MAN1A2: variants seen among roughly 807,000 people sequenced by gnomAD.
MAN1A2 encodes the protein mannosidase alpha class 1A member 2, also known as mannosyl-oligosaccharide 1,2-alpha-mannosidase IB.
Under a neutral mutation model 75.7 loss-of-function variants are expected in MAN1A2, and 26 were observed. The observed-to-expected ratio is 0.34, with a 90% CI of 0.25 to 0.48. The LOEUF (loss-of-function observed/expected upper bound fraction) is 0.48, where lower values mean the gene tolerates loss of function less well. MAN1A2 is among the 20% of genes least tolerant of loss of function. The pLI is 0.99. For synonymous variants in MAN1A2, 247 were observed against 264.6 expected (o/e 0.93, Z 0.65); for missense variants, 562 against 775.5 (o/e 0.72, Z 3.27).
intron 9 of MAN1A2, among the ~76,000 whole-genome samples, chr1:117,496,125 C>CTT (rs1218829454): frequency 4.0e-5 from 1 of 25,266 alleles, no homozygotes; most frequent in African/African-American, 4.0e-4. Context: ...AGTAAAAATA[C>CTT]TCTTTTTTCA....
intron 4 of MAN1A2, among the ~76,000 whole-genome samples, chr1:117,419,503 A>G (rs940966203): frequency 2.0e-5 from 3 of 152,138 alleles, no homozygotes; most frequent in Non-Finnish European, 4.4e-5. Context: ...AAAAAATTAC[A>G]TTATATTGTA....
At chr1:117,472,139 TA>T (rs1650180003) in intron 8 of MAN1A2, among the ~76,000 whole-genome samples, 1 of 151,938 alleles carries the variant, frequency 6.6e-6, no homozygotes, top group South Asian at 2.1e-4. Context: ...ATTTCTGAAA[TA>T]TTCGTTTCCC....
At chr1:117,382,084 C>G (rs1653363509) in intron 1 of MAN1A2, among the ~76,000 whole-genome samples, 2 of 151,750 alleles carry the variant, frequency 1.3e-5, no homozygotes. Context: ...GGATATTAGC[C>G]CTTTGTCAGA....
chr1:117,403,326 ATAGAGCTGTGCTCTGATTT>A (rs1470113448), intron 2 of MAN1A2, among the ~76,000 whole-genome samples: 3 of 152,212 alleles, frequency 2.0e-5, no homozygotes, highest in Admixed American at 2.0e-4. Flanking sequence ...TGGAGTAGAA[ATAGAGCTGTGCTCTGATTT>A]TACCTCACCT....
At chr1:117,372,472 A>G (rs1652994114) in intron 1 of MAN1A2, among the ~76,000 whole-genome samples, 1 of 152,222 alleles carries the variant, frequency 6.6e-6, no homozygotes, top group Admixed American at 6.5e-5. Flanking sequence ...GTGGTATTAC[A>G]TGAATTTAGT....
Position 117,522,325 on chromosome 1 carries a change from G to C in MAN1A2, c.1794-500G>C, listed in dbSNP as rs188568365. ...ACTAAATGGGTTTATCCCAGGTGTG[G>C]AGGGTTGATTTAATGTTTGAAAATC... On this transcript the variant is annotated intron_variant, in intron 12 of 12. Coordinates refer to ENST00000356554, the MANE Select transcript of MAN1A2 (RefSeq NM_006699.5). Among the ~76,000 whole-genome samples, 9 of 152,000 alleles carry C rather than the reference G, an allele frequency of 5.9e-5. No individual in the cohort carries two copies. The South Asian group carries it at 8.3e-4, about 14-fold the overall frequency.
At chr1:117,384,403 G>A (rs1000607925) in intron 1 of MAN1A2, among the ~76,000 whole-genome samples, 2 of 152,044 alleles carry the variant, frequency 1.3e-5, no homozygotes, top group African/African-American at 4.8e-5. Context: ...ACATATTTAT[G>A]ATTTTTCATT....
intron 1 of MAN1A2, among the ~76,000 whole-genome samples, chr1:117,382,115 T>C (rs1653364145): frequency 6.6e-6 from 1 of 152,212 alleles, no homozygotes; most frequent in African/African-American, 2.4e-5. Flanking sequence ...GCGAAAATTT[T>C]CTCCCATTTT....
chr1:117,383,839 T>G (rs1032075500), intron 1 of MAN1A2, among the ~76,000 whole-genome samples: 2 of 152,266 alleles, frequency 1.3e-5, no homozygotes, highest in East Asian at 3.9e-4. Flanking sequence ...CACTGCAACC[T>G]TGTACTCCTG....
chr1:117,392,297 C>G (rs184673206), intron 1 of MAN1A2, among the ~76,000 whole-genome samples: 1 of 151,920 alleles, frequency 6.6e-6, no homozygotes, highest in Admixed American at 6.6e-5. Context: ...CTGCTATCTT[C>G]GTCTAGAATG....
In MAN1A2 at chr1:117,480,710, G is replaced by A. The variant is rs143706083; in HGVS notation, c.1169-12437G>A. ...GCCCTTGAATTTTAACTTACATCTT[G>A]TTTATATTTTTTCTAACAACATCTA... On this transcript the variant is annotated intron_variant, in intron 8 of 12. Transcript: ENST00000356554. Among the ~76,000 whole-genome samples, 221 of 151,654 alleles carry A rather than the reference G, an allele frequency of 1.5e-3. 1 individual carries two copies. The highest frequency in any genetic ancestry group is 2.4e-3 in the Non-Finnish European group (160 of 67,818).
Position 117,368,243 on chromosome 1 carries a change from G to A in MAN1A2, c.60G>A (p.Gly20=). 1.2e-6 allele frequency: 2 copies of A among 1,614,090 alleles called. No homozygotes were observed. The highest frequency in any genetic ancestry group is 1.7e-6 in the Non-Finnish European group (2 of 1,180,030). The part of the protein sequence containing the change: ...SGRRIPPLNL[G]PPSFPHHRAT... ...GTAGGATACCACCTCTGAACCTGGG[G>A]CCGCCTTCCTTCCCACATCACAGGG... Residue 20 remains glycine (G), a synonymous_variant, in exon 1 of 13, where the codon GGG becomes GGA. Transcript: ENST00000356554.
Position 117,526,067 on chromosome 1 carries a change from A to T in MAN1A2, c.*3110A>T, listed in dbSNP as rs1031252621. 8 of 151,772 alleles carry T rather than the reference A, an allele frequency of 5.3e-5. No homozygotes were observed. Among genetic ancestry groups the T allele is most frequent in the African/African-American group, 1.9e-4 (8 of 41,386 alleles). 9.4% of individuals were successfully genotyped at this position (151,772 alleles called of 1,614,324 possible). ...TTGAAATATTAATCATCATCCTCTC[A>T]TCTTCTCCACTCTCCATTGCCAAAG... On this transcript the variant is annotated 3_prime_UTR_variant, in exon 13 of 13. Coordinates refer to ENST00000356554, the MANE Select transcript of MAN1A2 (RefSeq NM_006699.5).
rs76750288 is a variant in MAN1A2 at position 117,424,805 on chromosome 1, C to T, written c.855+4156C>T. On this transcript the variant is annotated intron_variant, in intron 5 of 12. Coordinates refer to ENST00000356554, the MANE Select transcript of MAN1A2 (RefSeq NM_006699.5). ...AAAATCTTTGGGATTTAGATTTCCCCGGGAAGGATGGAATGTTCATTCTTG... is the reference window on the plus strand; with the variant it reads ...AAAATCTTTGGGATTTAGATTTCCCTGGGAAGGATGGAATGTTCATTCTTG... 4.8e-3 allele frequency among the ~76,000 whole-genome samples: 724 copies of T among 152,208 alleles called. 4 individuals are homozygous for T. The highest frequency in any genetic ancestry group is 7.9e-3 in the Non-Finnish European group (540 of 68,000).
At chr1:117,471,611 G>A (rs1402394749) in intron 8 of MAN1A2, among the ~76,000 whole-genome samples, 1 of 151,710 alleles carries the variant, frequency 6.6e-6, no homozygotes, top group Non-Finnish European at 1.5e-5. Flanking sequence ...TGTAATTTCA[G>A]ATGTTCTGTA....
intron 2 of MAN1A2, 89 bp from the exon 3 acceptor site, chr1:117,405,460 G>A (rs1026052967): frequency 1.3e-6 from 1 of 768,158 alleles, no homozygotes; most frequent in Non-Finnish European, 2.4e-6. Context: ...AATGGGCAAG[G>A]ATATAGTAAT....
At chr1:117,372,136 T>C (rs1226478035) in intron 1 of MAN1A2, among the ~76,000 whole-genome samples, 1 of 152,166 alleles carries the variant, frequency 6.6e-6, no homozygotes, top group Non-Finnish European at 1.5e-5. Context: ...TTAAAAAAAT[T>C]AAATAATCAC....
rs184018806 is a variant in MAN1A2 at position 117,467,051 on chromosome 1, G to C, written c.1168+624G>C. Among the ~76,000 whole-genome samples the C allele has an allele frequency of 6.6e-5, 10 of 152,206 alleles. No homozygotes were observed. In the East Asian group the frequency reaches 1.5e-3, roughly 23 times the overall value. On this transcript the variant is annotated intron_variant, in intron 8 of 12. Transcript: ENST00000356554. ...CCTCTGCCTGAGGGGAAAGTATTTT[G>C]TTTAGGGAGAGGGTAATTTTTCTTA...
Position 117,502,968 on chromosome 1 carries a change from A to G in MAN1A2, c.1791A>G (p.Leu597=). The G allele has an allele frequency of 6.5e-7, 1 of 1,540,888 alleles. No individual in the cohort carries two copies. ...AGAGCTTTTTTCTTGCTGAAACATT[A>G]AAGTAAGTATATAGCTTTAAAAAAT... The part of the protein sequence containing the change: ...VQQSFFLAET[L]KYLYLLFSGD... Residue 597 remains leucine, a splice_region_variant and synonymous_variant, in exon 12 of 13, where the codon TTA becomes TTG. Coordinates refer to ENST00000356554, the MANE Select transcript of MAN1A2 (RefSeq NM_006699.5).
Sources: allele counts gnomAD v4.1 joint callset (sites outside exome capture counted in the v4.1 genomes callset), GRCh38; gene constraint gnomAD v4.1.1; transcripts MANE v1.5; gene names NCBI Gene and HGNC (gene_info 2026-07-23, HGNC 2026-07-21).